The following CD38 variants were observed in gnomAD, a reference collection of about 807,000 sequenced individuals.
The protein encoded by CD38 is CD38 molecule, also known as ADP-ribosyl cyclase/cyclic ADP-ribose hydrolase 1.
In CD38, 31 loss-of-function variants were observed where a neutral mutation model predicts 36.3. The observed-to-expected ratio is 0.85, with a 90% CI of 0.64 to 1.15. The LOEUF (loss-of-function observed/expected upper bound fraction) is 1.15, where lower values mean the gene tolerates loss of function less well. Ranked by LOEUF, CD38 falls within the 50% of genes most tolerant of loss-of-function variation. The probability of loss-of-function intolerance (pLI) is 0.00; values close to 1 mark genes in which losing one functional copy is unlikely to be tolerated. For missense variants in CD38, 380 were observed against 371.9 expected (o/e 1.02, Z -0.18); for synonymous variants, 131 against 135.2 (o/e 0.97, Z 0.22).
intron 1 of CD38, among the ~76,000 whole-genome samples, chr4:15,812,463 C>T (rs183966039): frequency 2.0e-5 from 3 of 152,140 alleles, no homozygotes; most frequent in Non-Finnish European, 2.9e-5. Context: ...TTTGGGAGGC[C>T]GAGGCGGGTG....
At chr4:15,783,058 C>A (rs548909417) in intron 1 of CD38, among the ~76,000 whole-genome samples, 234 of 152,310 alleles carry the variant, frequency 1.5e-3, no homozygotes, top group Non-Finnish European at 2.9e-3. Context: ...GAACAGATCA[C>A]CTCTGGTTCT....
At chr4:15,784,209 A>G (rs1237786646) in intron 1 of CD38, among the ~76,000 whole-genome samples, 1 of 152,232 alleles carries the variant, frequency 6.6e-6, no homozygotes, top group Non-Finnish European at 1.5e-5. Context: ...AAGAAAGACT[A>G]TGTGAATTGC....
In CD38 at chr4:15,829,243, A is replaced by G. The variant is rs146856244; in HGVS notation, c.499+4227A>G. On this transcript the variant is annotated intron_variant, in intron 3 of 7. Coordinates refer to ENST00000226279, the MANE Select transcript of CD38 (RefSeq NM_001775.4). ...TTTTTAATTTTTAATTTTTGTGCAT[A>G]CATAATAGGTGTATATATGGGATGT... 2.8e-3 allele frequency among the ~76,000 whole-genome samples: 427 copies of G among 152,164 alleles called. 4 individuals are homozygous for G. The highest frequency in any genetic ancestry group is 5.6e-3 in the Non-Finnish European group (380 of 68,008).
intron 7 of CD38, among the ~76,000 whole-genome samples, chr4:15,847,644 C>T (rs1456321135): frequency 9.2e-6 from 1 of 109,136 alleles, no homozygotes; most frequent in Admixed American, 9.9e-5. Context: ...AGATATCTGA[C>T]GAGTCTAAGC....
At position 15,851,342 on chromosome 4, in the gene CD38, T is replaced by A. The variant is rs1224298452; in HGVS notation, c.*2740T>A. On this transcript the variant is annotated 3_prime_UTR_variant, in exon 8 of 8. Coordinates refer to ENST00000226279, the MANE Select transcript of CD38 (RefSeq NM_001775.4). ...CCTATAAGTGACTTCTCTACTGGATTACTGGTTGCTCATACACCTCATATT... is the reference window on the plus strand; with the variant it reads ...CCTATAAGTGACTTCTCTACTGGATAACTGGTTGCTCATACACCTCATATT... The A allele has an allele frequency of 6.6e-6, 1 of 152,204 alleles. No individual in the cohort carries two copies. The highest frequency in any genetic ancestry group is 1.5e-5 in the Non-Finnish European group (1 of 68,044). The allele number at this position is 152,204 out of a possible 1,614,324, so 9.4% of individuals were successfully genotyped here.
At position 15,848,691 on chromosome 4, in the gene CD38, A is replaced by C; in HGVS notation, c.*89A>C. 2 of 1,074,160 alleles carry C rather than the reference A, an allele frequency of 1.9e-6. No homozygotes were observed. Among genetic ancestry groups the C allele is most frequent in the Non-Finnish European group, 2.8e-6 (2 of 704,666 alleles). The allele number at this position is 1,074,160 out of a possible 1,614,324, so 66.5% of individuals were successfully genotyped here. A position where few individuals can be genotyped will look rare whatever the true frequency, so the allele number is the denominator to read the frequency against. Reference sequence around the variant, plus strand: ...AGCATACCTGCTGGTGCAGAGCTGAAGATTTTGGAGGGTCCTCCACAATAA... The same window carrying C: ...AGCATACCTGCTGGTGCAGAGCTGACGATTTTGGAGGGTCCTCCACAATAA... On this transcript the variant is annotated 3_prime_UTR_variant, in exon 8 of 8. Coordinates refer to ENST00000226279, the MANE Select transcript of CD38 (RefSeq NM_001775.4).
chr4:15,800,478 C>A (rs1723195446), intron 1 of CD38, among the ~76,000 whole-genome samples: 1 of 152,154 alleles, frequency 6.6e-6, no homozygotes, highest in African/African-American at 2.4e-5. Flanking sequence ...TATTGTCAGA[C>A]TTTTAAATTT....
intron 2 of CD38, among the ~76,000 whole-genome samples, chr4:15,824,075 C>T (rs910817309): frequency 2.0e-5 from 3 of 152,112 alleles, no homozygotes; most frequent in African/African-American, 7.2e-5. Context: ...CATGTTCTCA[C>T]TTATAAGTGG....
intron 7 of CD38, among the ~76,000 whole-genome samples, chr4:15,842,217 A>T (rs1724228434): frequency 8.7e-6 from 1 of 115,416 alleles, no homozygotes; most frequent in Non-Finnish European, 1.7e-5. Flanking sequence ...AGATCTGAGA[A>T]CGGGCAGACT....
intron 1 of CD38, among the ~76,000 whole-genome samples, chr4:15,785,529 C>T (rs528953287): frequency 2.1e-4 from 26 of 121,094 alleles, no homozygotes; most frequent in South Asian, 7.2e-4. Flanking sequence ...GCCTGGAGAA[C>T]GTTCCTTTTC....
At chr4:15,834,411 T>A in intron 4 of CD38, 109 bp downstream of exon 4, 1 of 712,236 alleles carries the variant, frequency 1.4e-6, no homozygotes, top group Non-Finnish European at 2.5e-6. Flanking sequence ...CTTTTAGGAA[T>A]GAAAATATAG....
At chr4:15,824,819 G>A in intron 2 of CD38, 62 bp from the exon 3 acceptor site, 1 of 1,354,982 alleles carries the variant, frequency 7.4e-7, no homozygotes, top group South Asian at 1.3e-5. Flanking sequence ...CAAAACTGTG[G>A]ATTAATTTTT....
intron 1 of CD38, among the ~76,000 whole-genome samples, chr4:15,807,533 C>G (rs545344654): frequency 1.3e-5 from 2 of 149,046 alleles, no homozygotes; most frequent in East Asian, 2.0e-4. Context: ...GGGGGCCAGG[C>G]CAGCTCCTGA....
At chr4:15,781,556 A>G (rs1296627039) in intron 1 of CD38, among the ~76,000 whole-genome samples, 12 of 152,242 alleles carry the variant, frequency 7.9e-5, no homozygotes, top group South Asian at 2.1e-4. Context: ...TGGAGTCCAA[A>G]GGCAGTCTCT....
At chr4:15,834,894 AT>A (rs67569022) in intron 4 of CD38, among the ~76,000 whole-genome samples, 1 of 135,008 alleles carries the variant, frequency 7.4e-6, no homozygotes, top group Non-Finnish European at 1.6e-5. Flanking sequence ...CCCTCTACCT[AT>A]TTTTTTTAAA....
intron 2 of CD38, among the ~76,000 whole-genome samples, chr4:15,821,148 A>G (rs1308323328): frequency 6.6e-6 from 1 of 152,218 alleles, no homozygotes; most frequent in African/African-American, 2.4e-5. Context: ...TAATAGGAAA[A>G]AAGAGACAAT....
chr4:15,806,146 G>A (rs1723336345), intron 1 of CD38, among the ~76,000 whole-genome samples: 1 of 152,196 alleles, frequency 6.6e-6, no homozygotes, highest in South Asian at 2.1e-4. Flanking sequence ...AGACAAATTG[G>A]ATTTAACCAC....
intron 1 of CD38, among the ~76,000 whole-genome samples, chr4:15,787,200 G>C (rs1244843458): frequency 6.6e-6 from 1 of 152,256 alleles, no homozygotes; most frequent in Non-Finnish European, 1.5e-5. Flanking sequence ...GCCAGAGTGG[G>C]CGCGCAGAGG....
Position 15,818,039 on chromosome 4 carries a change from G to A in CD38, c.363+1399G>A, listed in dbSNP as rs1021901245. The stretch of plus-strand genomic sequence containing the variant: ...CCCCTGGAAAGGGGGCTGAAGCCAG[G>A]GAGCCAAGTGGTCTCGCTCAGCGGG... On this transcript the variant is annotated intron_variant, in intron 2 of 7. Coordinates refer to ENST00000226279, the MANE Select transcript of CD38 (RefSeq NM_001775.4). 2.0e-5 allele frequency among the ~76,000 whole-genome samples: 3 copies of A among 152,204 alleles called. No homozygotes were observed. The South Asian group carries it at 6.2e-4, about 32-fold the overall frequency.
Sources: gnomAD v4.1 joint callset for allele counts (sites outside exome capture counted in the v4.1 genomes callset) on GRCh38, gnomAD v4.1.1 for gene constraint, MANE v1.5 for transcripts, NCBI Gene and HGNC (gene_info 2026-07-23, HGNC 2026-07-21) for gene names.